Variants in PPP4R3B observed in about 807,000 individuals in gnomAD.
The protein encoded by PPP4R3B is protein phosphatase 4 regulatory subunit 3B.
A neutral mutation model predicts 95.4 loss-of-function variants in PPP4R3B; 52 were observed. The observed-to-expected ratio is 0.54, with a 90% CI of 0.44 to 0.69. The LOEUF (loss-of-function observed/expected upper bound fraction) is 0.69. PPP4R3B is among the 30% of genes least tolerant of loss of function. PPP4R3B has a pLI of 0.00. For synonymous variants in PPP4R3B, 407 were observed against 343.9 expected (o/e 1.18, Z -2.03); for missense variants, 1,003 against 1,005.9 (o/e 1.00, Z 0.04).
intron 16 of PPP4R3B, among the ~76,000 whole-genome samples, chr2:55,558,195 G>A (rs1198752113): frequency 6.6e-6 from 1 of 152,166 alleles, no homozygotes; most frequent in Non-Finnish European, 1.5e-5. Flanking sequence ...TTGACCGTAT[G>A]TGTGAAGACG....
At chr2:55,555,425 G>T (rs914725205) in intron 16 of PPP4R3B, among the ~76,000 whole-genome samples, 2 of 151,444 alleles carry the variant, frequency 1.3e-5, no homozygotes, top group East Asian at 1.9e-4. Context: ...CAATATGAAA[G>T]AAAGGATCAA....
chr2:55,588,077 G>A (rs1559007980), intron 5 of PPP4R3B, among the ~76,000 whole-genome samples: 2 of 151,746 alleles, frequency 1.3e-5, no homozygotes, highest in Non-Finnish European at 2.9e-5. Flanking sequence ...TCTGGCAAAC[G>A]GCAATCACAA....
chr2:55,584,392 GT>G (rs1689846261), intron 7 of PPP4R3B, among the ~76,000 whole-genome samples: 1 of 151,944 alleles, frequency 6.6e-6, no homozygotes, highest in Non-Finnish European at 1.5e-5. Flanking sequence ...GTGGTGTTTG[GT>G]TACATGAGTA....
chr2:55,606,292 G>A (rs1357463339), intron 2 of PPP4R3B, among the ~76,000 whole-genome samples: 1 of 152,112 alleles, frequency 6.6e-6, no homozygotes, highest in Non-Finnish European at 1.5e-5. Flanking sequence ...TTAAATGTTT[G>A]AACTGTAATG....
chr2:55,581,618 C>G lies in PPP4R3B; in HGVS notation c.1314G>C (p.Met438Ile). 1 of 1,613,676 alleles carries G rather than the reference C, an allele frequency of 6.2e-7. No individual in the cohort carries two copies. Among genetic ancestry groups the G allele is most frequent in the Non-Finnish European group, 8.5e-7 (1 of 1,179,796 alleles). Residue 438 changes from methionine to isoleucine, a missense_variant, in exon 8 of 17, where the codon ATG becomes ATC. By Grantham distance (10) the Met-to-Ile change is conservative. Around this residue, in one of 3 missense-constraint regions of PPP4R3B, gnomAD observed 695 missense variants for 686.2 expected, o/e 1.01. Transcript: ENST00000616407. ...GATCAATTAGAGTACGAAGAAGTCCCATTAACTGAACAGCGCCTCCTAGCT... is the reference window on the plus strand; with the variant it reads ...GATCAATTAGAGTACGAAGAAGTCCGATTAACTGAACAGCGCCTCCTAGCT... The part of the protein sequence containing the change: ...DPELGGAVQL[M>I]GLLRTLIDPE...
intron 6 of PPP4R3B, 47 bp downstream of exon 6, chr2:55,586,571 T>G (rs769932795): frequency 3.6e-6 from 4 of 1,113,870 alleles, no homozygotes; most frequent in Non-Finnish European, 5.4e-6. Context: ...CATAAGTGTA[T>G]TACAAATTTA....
In PPP4R3B at chr2:55,557,181, C is replaced by T. The variant is rs1385710866; in HGVS notation, c.2454+1594G>A. Among the ~76,000 whole-genome samples the T allele has an allele frequency of 3.3e-5, 5 of 152,302 alleles. 1 individual carries two copies. The East Asian group carries it at 7.7e-4, about 24-fold the overall frequency. On this transcript the variant is annotated intron_variant, in intron 16 of 16. Coordinates refer to ENST00000616407, the MANE Select transcript of PPP4R3B (RefSeq NM_001122964.3). ...GGCAGAGCCAAGGTTTGAACCCAAA[C>T]AATACAACCCTATGGCAAATATTCT...
chr2:55,549,578 C>A lies in PPP4R3B; in HGVS notation c.*333G>T, dbSNP rs1023317738. On this transcript the variant is annotated 3_prime_UTR_variant, in exon 17 of 17. Coordinates refer to ENST00000616407, the MANE Select transcript of PPP4R3B (RefSeq NM_001122964.3). ...GTTTCTAGATCGACACCCCGAGGAG[C>A]AACCCTGCATTATTATATCAACCTT... 1 of 216,704 alleles carries A rather than the reference C, an allele frequency of 4.6e-6. No homozygotes were observed. Among genetic ancestry groups the A allele is most frequent in the Non-Finnish European group, 9.1e-6 (1 of 109,990 alleles). The allele number at this position is 216,704 out of a possible 1,614,324, so 13.4% of individuals were successfully genotyped here.
chr2:55,589,678 G>A (rs1466558510), intron 4 of PPP4R3B, among the ~76,000 whole-genome samples: 5 of 151,954 alleles, frequency 3.3e-5, no homozygotes, highest in African/African-American at 4.8e-5. Flanking sequence ...CACTTTGGAA[G>A]GCCGAGGCGG....
chr2:55,560,572 T>C (rs1476673357), intron 15 of PPP4R3B, among the ~76,000 whole-genome samples: 1 of 151,032 alleles, frequency 6.6e-6, no homozygotes, highest in Non-Finnish European at 1.5e-5. Context: ...AAGTCAGGAG[T>C]TGGAGACCAG....
chr2:55,612,618 A>G (rs1411912311), intron 2 of PPP4R3B, among the ~76,000 whole-genome samples: 1 of 152,102 alleles, frequency 6.6e-6, no homozygotes, highest in Non-Finnish European at 1.5e-5. Context: ...TGGACAACAT[A>G]ACGAGACCCC....
intron 2 of PPP4R3B, chr2:55,614,887 G>A (rs919824697): frequency 3.3e-5 from 5 of 152,136 alleles, no homozygotes; most frequent in Non-Finnish European, 7.4e-5. Flanking sequence ...AATCAGGCGT[G>A]CTAAAATACA....
At chr2:55,554,653 T>A (rs1408765803) in intron 16 of PPP4R3B, among the ~76,000 whole-genome samples, 3 of 152,226 alleles carry the variant, frequency 2.0e-5, no homozygotes, top group African/African-American at 7.2e-5. Context: ...CAGTTACTTA[T>A]CAGATATATC....
At chr2:55,580,926 G>T (rs750881029) in intron 8 of PPP4R3B, among the ~76,000 whole-genome samples, 6 of 151,884 alleles carry the variant, frequency 4.0e-5, no homozygotes, top group Admixed American at 3.9e-4. Flanking sequence ...CTTTTTTATG[G>T]TGATAAAATC....
chr2:55,610,472 G>A (rs957152194), intron 2 of PPP4R3B, among the ~76,000 whole-genome samples: 38 of 152,274 alleles, frequency 2.5e-4, no homozygotes, highest in African/African-American at 8.4e-4. Context: ...TGTAGCAAGT[G>A]TATTTCCTTT....
intron 8 of PPP4R3B, 98 bp downstream of exon 8, chr2:55,581,469 T>C (rs1199226875): frequency 3.1e-6 from 4 of 1,291,128 alleles, no homozygotes; most frequent in Non-Finnish European, 4.2e-6. Context: ...AAATACCAAC[T>C]GGACAAATAC....
At chr2:55,598,356 A>C (rs1692087743) in intron 4 of PPP4R3B, 60 bp downstream of exon 4, 2 of 1,529,110 alleles carry the variant, frequency 1.3e-6, no homozygotes. Flanking sequence ...CACCTGCTTG[A>C]ACTATTAAGG....
intron 5 of PPP4R3B, among the ~76,000 whole-genome samples, chr2:55,587,013 C>CT (rs1690234421): frequency 6.6e-6 from 1 of 151,974 alleles, no homozygotes; most frequent in Admixed American, 6.6e-5. Context: ...TGCTTTTTTC[C>CT]TTTTTTTTCC....
chr2:55,604,194 A>T (rs758270311), intron 2 of PPP4R3B, 118 bp from the exon 3 acceptor site: 23 of 617,330 alleles, frequency 3.7e-5, no homozygotes, highest in Non-Finnish European at 5.1e-5. Context: ...CGATATGAGT[A>T]ATCAATGTAT....
Sources: allele counts gnomAD v4.1 joint callset (sites outside exome capture counted in the v4.1 genomes callset), GRCh38; gene constraint gnomAD v4.1.1; regional missense constraint gnomAD v4.1.1; transcripts MANE v1.5; gene names NCBI Gene and HGNC (gene_info 2026-07-23, HGNC 2026-07-21).